Variants in GPATCH8 observed in about 807,000 individuals in gnomAD.
GPATCH8 encodes the protein G-patch domain containing 8, also known as G patch domain-containing protein 8.
Under a neutral mutation model 118.3 loss-of-function variants are expected in GPATCH8, and 18 were observed. That is an observed-to-expected ratio of 0.15 (90% CI 0.11 to 0.23). The LOEUF (loss-of-function observed/expected upper bound fraction) is 0.23. GPATCH8 is among the 10% of genes least tolerant of loss of function. GPATCH8 has a pLI of 1.00. For missense variants in GPATCH8, 1,631 were observed against 1,873.8 expected, an observed-to-expected ratio of 0.87 and a Z score of 2.39; for synonymous variants, 659 against 684.7, an observed-to-expected ratio of 0.96 and a Z score of 0.59.
chr17:44,400,660 G>C lies in GPATCH8; in HGVS notation c.1417C>G (p.Pro473Ala). The C allele has an allele frequency of 6.2e-7, 1 of 1,612,524 alleles. No individual in the cohort carries two copies. Among genetic ancestry groups the C allele is most frequent in the Non-Finnish European group, 8.5e-7 (1 of 1,178,986 alleles). ...EQPKETSMTE[P>A]SEPGSKAEAK... ...TCAGCTTTGCTTCCTGGTTCTGAGG[G>C]CTCGGTCATGCTGGTTTCCTTCGGC... Residue 473 changes from proline to alanine, a missense_variant, in exon 8 of 8, where the codon CCC (proline) becomes GCC (alanine). This residue lies in a region of GPATCH8 where 405 missense variants were observed against 462.7 expected (regional missense o/e 0.88). Coordinates refer to ENST00000591680, the MANE Select transcript of GPATCH8 (RefSeq NM_001002909.4).
At chr17:44,408,451 T>C (rs1429825500) in intron 6 of GPATCH8, among the ~76,000 whole-genome samples, 1 of 152,210 alleles carries the variant, frequency 6.6e-6, no homozygotes, top group Non-Finnish European at 1.5e-5. Flanking sequence ...CTTCCCAAAG[T>C]GATGGGATTA....
chr17:44,459,887 C>T (rs1203477447), intron 3 of GPATCH8, among the ~76,000 whole-genome samples: 1 of 152,114 alleles, frequency 6.6e-6, no homozygotes, highest in Non-Finnish European at 1.5e-5. Context: ...ATGTACTCAT[C>T]GAACCTTCTA....
chr17:44,451,930 TA>T (rs954897102), intron 3 of GPATCH8, among the ~76,000 whole-genome samples: 6 of 152,164 alleles, frequency 3.9e-5, no homozygotes, highest in African/African-American at 7.2e-5. Context: ...GCATATTGGT[TA>T]AAAGCATAGG....
chr17:44,431,491 T>C (rs999317116), intron 5 of GPATCH8, among the ~76,000 whole-genome samples: 2 of 151,880 alleles, frequency 1.3e-5, no homozygotes, highest in Non-Finnish European at 2.9e-5. Context: ...GCTCTTTTTC[T>C]TAAATTGAGT....
intron 6 of GPATCH8, among the ~76,000 whole-genome samples, chr17:44,413,169 A>G (rs751792076): frequency 7.2e-5 from 11 of 152,180 alleles, no homozygotes; most frequent in Non-Finnish European, 4.4e-5. Context: ...AATTAATTTT[A>G]TTCAGTAAGA....
At chr17:44,453,563 T>A (rs2051215659) in intron 3 of GPATCH8, among the ~76,000 whole-genome samples, 1 of 134,490 alleles carries the variant, frequency 7.4e-6, no homozygotes, top group Admixed American at 7.7e-5. Flanking sequence ...GCTCTCACTG[T>A]CATCCAGGCT....
intron 6 of GPATCH8, among the ~76,000 whole-genome samples, chr17:44,418,555 G>C (rs944746296): frequency 1.3e-5 from 2 of 151,548 alleles, no homozygotes; most frequent in Non-Finnish European, 2.9e-5. Flanking sequence ...CCCGGATTCA[G>C]GCAATTCTCC....
chr17:44,411,146 TG>T (rs1382601743), intron 6 of GPATCH8, among the ~76,000 whole-genome samples: 1 of 152,104 alleles, frequency 6.6e-6, no homozygotes, highest in Non-Finnish European at 1.5e-5. Flanking sequence ...TTCTGCTCAG[TG>T]TCTATTAAAA....
At chr17:44,452,954 G>A (rs948067750) in intron 3 of GPATCH8, among the ~76,000 whole-genome samples, 2 of 151,904 alleles carry the variant, frequency 1.3e-5, no homozygotes, top group African/African-American at 4.8e-5. Context: ...CATTCTCCCA[G>A]GTGGCTGGGA....
At chr17:44,442,120 T>TAGAG (rs537460604) in intron 3 of GPATCH8, among the ~76,000 whole-genome samples, 6 of 126,302 alleles carry the variant, frequency 4.8e-5, no homozygotes, top group Non-Finnish European at 8.7e-5. Context: ...TATATATATA[T>TAGAG]ATAGAGAGAG....
chr17:44,465,694 G>A (rs1031446637), intron 2 of GPATCH8: 1 of 152,092 alleles, frequency 6.6e-6, no homozygotes, highest in African/African-American at 2.4e-5. Context: ...GAAAACAAAG[G>A]TAAATCATTT....
At chr17:44,427,416 G>C (rs992943719) in intron 5 of GPATCH8, among the ~76,000 whole-genome samples, 1 of 151,914 alleles carries the variant, frequency 6.6e-6, no homozygotes, top group Non-Finnish European at 1.5e-5. Context: ...AGAAATAATA[G>C]AAGAAAACTC....
At chr17:44,452,204 T>C (rs1644600908) in intron 3 of GPATCH8, among the ~76,000 whole-genome samples, 1 of 128,384 alleles carries the variant, frequency 7.8e-6, no homozygotes. Flanking sequence ...ACCAGGGAGG[T>C]GGAGGTTGCA....
At chr17:44,500,735 G>A (rs1969995364) in intron 1 of GPATCH8, among the ~76,000 whole-genome samples, 1 of 152,196 alleles carries the variant, frequency 6.6e-6, no homozygotes, top group Admixed American at 6.5e-5. Context: ...TCTGTTGAAA[G>A]CAACAAGATC....
intron 3 of GPATCH8, among the ~76,000 whole-genome samples, chr17:44,456,894 C>T (rs1036814809): frequency 6.6e-5 from 10 of 151,756 alleles, no homozygotes; most frequent in Admixed American, 2.0e-4. Flanking sequence ...GACACAGTCT[C>T]GCTCTGTTGC....
At chr17:44,478,407 C>T (rs770429179) in intron 1 of GPATCH8, among the ~76,000 whole-genome samples, 4 of 152,018 alleles carry the variant, frequency 2.6e-5, no homozygotes, top group Non-Finnish European at 5.9e-5. Context: ...TCCAGCACTT[C>T]GGGAGGCTGA....
chr17:44,399,129 T>C lies in GPATCH8; in HGVS notation c.2948A>G (p.Gln983Arg), dbSNP rs756363816. The change falls in exon 8 of 8, where the codon CAA becomes CGA. Residue 983 changes from glutamine to arginine, a missense_variant. By Grantham distance (43) the Gln-to-Arg change is conservative. Around this residue, in one of 8 missense-constraint regions of GPATCH8, gnomAD observed 922 missense variants for 879.7 expected, o/e 1.05. Coordinates refer to ENST00000591680, the MANE Select transcript of GPATCH8 (RefSeq NM_001002909.4). ...RSRSTTAHSW[Q>R]RSRSYSRDRS... is the part of the protein sequence containing the mutation. Reference sequence around the variant, plus strand: ...GTCCCGGCTATAGCTCCGGCTCCGTTGCCAGCTGTGGGCTGTGGTGCTACG... The same window carrying C: ...GTCCCGGCTATAGCTCCGGCTCCGTCGCCAGCTGTGGGCTGTGGTGCTACG... 2 of 1,610,758 alleles carry C rather than the reference T, an allele frequency of 1.2e-6. No homozygotes were observed. Among genetic ancestry groups the C allele is most frequent in the Admixed American group, 1.7e-5 (1 of 60,004 alleles).
At chr17:44,461,162 G>A (rs1244417221) in intron 3 of GPATCH8, among the ~76,000 whole-genome samples, 1 of 152,058 alleles carries the variant, frequency 6.6e-6, no homozygotes, top group Non-Finnish European at 1.5e-5. Context: ...ATGTGTTTTG[G>A]AAAGGGTGAA....
chr17:44,497,790 C>T (rs1315935909), intron 1 of GPATCH8, among the ~76,000 whole-genome samples: 1 of 151,402 alleles, frequency 6.6e-6, no homozygotes, highest in Non-Finnish European at 1.5e-5. Context: ...AAGTACAAAA[C>T]TTAGCCAGTC....
Sources: allele counts gnomAD v4.1 joint callset (sites outside exome capture counted in the v4.1 genomes callset), GRCh38; gene constraint gnomAD v4.1.1; regional missense constraint gnomAD v4.1.1; transcripts MANE v1.5; gene names NCBI Gene and HGNC (gene_info 2026-07-23, HGNC 2026-07-21).